Variants in SDK1 observed in about 807,000 individuals in gnomAD.
The protein encoded by SDK1 is sidekick cell adhesion molecule 1, also known as protein sidekick-1.
Under a neutral mutation model 245.5 loss-of-function variants are expected in SDK1, and 157 were observed. The ratio of observed to expected loss-of-function variants is 0.64; its 90% CI spans 0.56 to 0.73. The LOEUF is 0.73. SDK1 is among the 30% of genes least tolerant of loss of function. SDK1 has a pLI of 0.00. For missense variants in SDK1, 3,583 were observed against 3,002.3 expected (o/e 1.19, Z -4.52); for synonymous variants, 1,647 against 1,278.5 (o/e 1.29, Z -6.15).
chr7:3,573,972 C>G (rs188585080), intron 1 of SDK1, among the ~76,000 whole-genome samples: 2 of 152,204 alleles, frequency 1.3e-5, no homozygotes, highest in East Asian at 1.9e-4. Context: ...AAAGGCAGGG[C>G]TGTATTTTAC....
At chr7:3,893,349 C>G (rs1009097125) in intron 5 of SDK1, among the ~76,000 whole-genome samples, 1 of 152,066 alleles carries the variant, frequency 6.6e-6, no homozygotes, top group East Asian at 1.9e-4. Context: ...GGGGAGGATC[C>G]TTAATGCCCC....
chr7:3,958,520 G>A (rs778488594), intron 7 of SDK1, among the ~76,000 whole-genome samples: 11 of 152,178 alleles, frequency 7.2e-5, no homozygotes, highest in Non-Finnish European at 1.6e-4. Flanking sequence ...TTAATAGGCT[G>A]TTGCCCAATA....
intron 1 of SDK1, among the ~76,000 whole-genome samples, chr7:3,612,510 C>A (rs993147602): frequency 1.3e-5 from 2 of 152,140 alleles, no homozygotes; most frequent in Admixed American, 1.3e-4. Flanking sequence ...ACTACACTTA[C>A]CAGAAAAGGA....
chr7:3,906,064 C>A (rs1278502367), intron 5 of SDK1, among the ~76,000 whole-genome samples: 1 of 152,122 alleles, frequency 6.6e-6, no homozygotes, highest in Non-Finnish European at 1.5e-5. Flanking sequence ...TCGTTTCTGT[C>A]TCTCTTTGCT....
At chr7:3,926,548 C>G (rs80329740) in intron 5 of SDK1, among the ~76,000 whole-genome samples, 6,759 of 150,612 alleles carry the variant, frequency 0.045, 518 homozygotes, top group African/African-American at 0.16. Flanking sequence ...GCAGCCCTGA[C>G]TTCTTTGGGC....
chr7:3,325,201 C>T (rs73288374), intron 1 of SDK1, among the ~76,000 whole-genome samples: 32,144 of 151,864 alleles, frequency 0.21, 3,650 homozygotes, highest in African/African-American at 0.31. Flanking sequence ...CAACCATAGA[C>T]CATATGTTAA....
intron 1 of SDK1, among the ~76,000 whole-genome samples, chr7:3,521,553 G>C (rs1445262082): frequency 6.6e-6 from 1 of 152,186 alleles, no homozygotes; most frequent in Non-Finnish European, 1.5e-5. Context: ...ACTTATGTTA[G>C]TGTTTTAGGA....
intron 1 of SDK1, among the ~76,000 whole-genome samples, chr7:3,594,514 T>A (rs1259294346): frequency 6.6e-6 from 1 of 152,186 alleles, no homozygotes; most frequent in East Asian, 1.9e-4. Flanking sequence ...TACCTAACAT[T>A]TTGAGAGACC....
At chr7:3,474,028 C>T (rs1046881074) in intron 1 of SDK1, among the ~76,000 whole-genome samples, 3 of 148,870 alleles carry the variant, frequency 2.0e-5, no homozygotes, top group Non-Finnish European at 3.0e-5. Flanking sequence ...AGGGTAGCTG[C>T]CTGCCATGTG....
intron 4 of SDK1, among the ~76,000 whole-genome samples, chr7:3,743,916 G>C (rs916875445): frequency 6.6e-6 from 1 of 152,148 alleles, no homozygotes; most frequent in African/African-American, 2.4e-5. Flanking sequence ...ACATCATGTA[G>C]CCACAGGACC....
intron 14 of SDK1, among the ~76,000 whole-genome samples, chr7:4,001,428 G>C (rs1168756782): frequency 6.6e-6 from 1 of 152,206 alleles, no homozygotes. Context: ...CCAGGTCAAA[G>C]TCTGGCCTCG....
chr7:4,228,586 C>A (rs1019016792), intron 40 of SDK1, among the ~76,000 whole-genome samples: 3 of 152,228 alleles, frequency 2.0e-5, no homozygotes, highest in Non-Finnish European at 4.4e-5. Context: ...GTTGCCCAGG[C>A]TGGAGTGCAG....
At chr7:3,675,145 C>G (rs941779688) in intron 4 of SDK1, among the ~76,000 whole-genome samples, 3 of 152,210 alleles carry the variant, frequency 2.0e-5, no homozygotes, top group Admixed American at 2.0e-4. Flanking sequence ...CCCAAACCTG[C>G]TCCACCCATA....
chr7:3,555,891 G>C (rs1257668361), intron 1 of SDK1, among the ~76,000 whole-genome samples: 1 of 152,066 alleles, frequency 6.6e-6, no homozygotes, highest in Non-Finnish European at 1.5e-5. Context: ...AGTTAAAATG[G>C]CTTTTATCTT....
intron 4 of SDK1, among the ~76,000 whole-genome samples, chr7:3,798,485 G>A (rs995716977): frequency 3.3e-5 from 5 of 152,020 alleles, no homozygotes; most frequent in Non-Finnish European, 5.9e-5. Context: ...CCAAAGTGCT[G>A]GGATTACAGG....
intron 5 of SDK1, among the ~76,000 whole-genome samples, chr7:3,823,166 A>G (rs1779688655): frequency 6.6e-6 from 1 of 152,220 alleles, no homozygotes; most frequent in Non-Finnish European, 1.5e-5. Context: ...ATTGAGAATT[A>G]CAGTAGAAAT....
intron 1 of SDK1, chr7:3,337,898 T>C (rs1392221182): frequency 6.6e-6 from 1 of 152,258 alleles, no homozygotes; most frequent in African/African-American, 2.4e-5. Flanking sequence ...GTAAAAGTTC[T>C]TTAAATGAAT....
Position 4,017,291 on chromosome 7 carries a change from G to A in SDK1, c.2541G>A (p.Ala847=), listed in dbSNP as rs144372494. The A allele has an allele frequency of 7.7e-5, 124 of 1,613,950 alleles. 1 individual carries two copies. The highest frequency in any genetic ancestry group is 4.2e-4 in the Admixed American group (25 of 59,996). ...IWTQYEIQVA[A]YNGAGLGVFS... Reference sequence around the variant, plus strand: ...CACAGTATGAGATACAGGTGGCGGCGTACAACGGGGCCGGTCTGGGCGTCT... The same window carrying A: ...CACAGTATGAGATACAGGTGGCGGCATACAACGGGGCCGGTCTGGGCGTCT... The change falls in exon 17 of 45, where the codon GCG becomes GCA. Residue 847 remains alanine, a synonymous_variant. Transcript: ENST00000404826.
intron 5 of SDK1, among the ~76,000 whole-genome samples, chr7:3,879,647 CTTG>C (rs1012018544): frequency 6.6e-6 from 1 of 152,186 alleles, no homozygotes; most frequent in African/African-American, 2.4e-5. Context: ...CCAGTTTAAT[CTTG>C]TTGTTCAGTC....
Sources: allele counts gnomAD v4.1 joint callset (sites outside exome capture counted in the v4.1 genomes callset), GRCh38; gene constraint gnomAD v4.1.1; transcripts MANE v1.5; gene names NCBI Gene and HGNC (gene_info 2026-07-23, HGNC 2026-07-21).